Variants in NXN observed in about 807,000 individuals in gnomAD.
NXN encodes nucleoredoxin 1.
A neutral mutation model predicts 48.6 loss-of-function variants in NXN; 16 were observed. The observed-to-expected ratio is 0.33, with a 90% CI of 0.22 to 0.50. The LOEUF is 0.50. Ranked by LOEUF, NXN falls within the 20% of genes least tolerant of loss-of-function variation. The pLI, the probability that NXN is intolerant of heterozygous loss-of-function variation, is 0.98. For missense variants in NXN, 492 were observed against 605.5 expected (o/e 0.81, Z 1.97); for synonymous variants, 281 against 269.6 (o/e 1.04, Z -0.41).
chr17:858,917 T>C (rs1021707202), intron 1 of NXN, among the ~76,000 whole-genome samples: 2 of 152,150 alleles, frequency 1.3e-5, no homozygotes, highest in African/African-American at 2.4e-5. Context: ...TTCTATCCCA[T>C]AGCCAGCCAA....
At position 849,706 on chromosome 17, in the gene NXN, G is replaced by A. The variant is rs2067903419; in HGVS notation, c.361-23628C>T. ...CAAGCAATCATCATTTCCTAAACGT[G>A]GCAGGATGCAGAGCAGGTAGAGGAG... is the stretch of plus-strand genomic sequence containing the variant. On this transcript the variant is annotated intron_variant, in intron 1 of 7. Transcript: ENST00000336868. The surrounding 1 kb of genome is among the most constrained non-coding windows in gnomAD (Gnocchi z 4.2). Among the ~76,000 whole-genome samples the A allele has an allele frequency of 6.6e-6, 1 of 152,170 alleles. No individual in the cohort carries two copies. Among genetic ancestry groups the A allele is most frequent in the Admixed American group, 6.6e-5 (1 of 15,260 alleles).
intron 1 of NXN, among the ~76,000 whole-genome samples, chr17:933,591 A>G (rs1240066926): frequency 6.6e-6 from 1 of 151,806 alleles, no homozygotes; most frequent in Non-Finnish European, 1.5e-5. Context: ...GGCAAATTCC[A>G]TCCCTCTCAA....
chr17:839,866 G>T (rs1457112960), intron 1 of NXN, among the ~76,000 whole-genome samples: 1 of 148,018 alleles, frequency 6.8e-6, no homozygotes, highest in Non-Finnish European at 1.5e-5. Flanking sequence ...GGAGGCCGAG[G>T]CGGGCAGATT....
intron 1 of NXN, among the ~76,000 whole-genome samples, chr17:933,025 T>C (rs8071160): frequency 0.15 from 23,369 of 152,044 alleles, 2,170 homozygotes; most frequent in South Asian, 0.27. Flanking sequence ...CATCAAAGGC[T>C]GTGGCCCGAA....
rs149977773 is a variant in NXN at position 893,142 on chromosome 17, C to T, written c.361-67064G>A. ...CTTGGCAGATGCGGATGGGAGAACACGCCTACGCAGGCCAAGTCTCCAGCA... is the reference window on the plus strand; with the variant it reads ...CTTGGCAGATGCGGATGGGAGAACATGCCTACGCAGGCCAAGTCTCCAGCA... On this transcript the variant is annotated intron_variant, in intron 1 of 7. Coordinates refer to ENST00000336868, the MANE Select transcript of NXN (RefSeq NM_022463.5). 4.8e-3 allele frequency among the ~76,000 whole-genome samples: 736 copies of T among 152,352 alleles called. 6 individuals carry two copies. Among genetic ancestry groups the T allele is most frequent in the African/African-American group, 0.017 (687 of 41,586 alleles).
Position 943,597 on chromosome 17 carries a change from G to T in NXN, c.360+35722C>A, listed in dbSNP as rs781161250. On this transcript the variant is annotated intron_variant, in intron 1 of 7. Coordinates refer to ENST00000336868, the MANE Select transcript of NXN (RefSeq NM_022463.5). The stretch of plus-strand genomic sequence containing the variant: ...AGCAGTTTGGGAGGCTGAGGCAGGC[G>T]GATCACTTGAGGCCAGGAGTTCAAA... Among the ~76,000 whole-genome samples, 482 of 152,228 alleles carry T rather than the reference G, an allele frequency of 3.2e-3. 1 individual carries two copies. The highest frequency in any genetic ancestry group is 8.0e-3 in the Admixed American group (122 of 15,282).
intron 1 of NXN, among the ~76,000 whole-genome samples, chr17:913,461 C>T (rs2068655783): frequency 6.6e-6 from 1 of 152,192 alleles, no homozygotes; most frequent in East Asian, 1.9e-4. Context: ...AGATGTCGGC[C>T]CCTGCCCACA....
chr17:876,075 G>A (rs1465953030), intron 1 of NXN, among the ~76,000 whole-genome samples: 2 of 152,098 alleles, frequency 1.3e-5, no homozygotes, highest in Non-Finnish European at 2.9e-5. Context: ...CAGGTACCTG[G>A]GAGGCTGAGG....
At position 801,125 on chromosome 17, in the gene NXN, T is replaced by A. The variant is rs759002236; in HGVS notation, c.1132A>T (p.Met378Leu). 6.5e-7 allele frequency: 1 copy of A among 1,535,634 alleles called. No individual in the cohort carries two copies. The highest frequency in any genetic ancestry group is 1.2e-5 in the South Asian group (1 of 80,300). ...LLFFVAGEDDMTDSLRDYTNL... is the reference protein window; with the variant it reads ...LLFFVAGEDDLTDSLRDYTNL... ...GTGTAATCTCGCAGGGAGTCAGTCA[T>A]GTCATCCTGAAGCCGTCAGGAGGGA... Residue 378 changes from methionine (M) to leucine (L), a missense_variant, in exon 8 of 8, where the codon ATG becomes TTG. Coordinates refer to ENST00000336868, the MANE Select transcript of NXN (RefSeq NM_022463.5).
intron 1 of NXN, among the ~76,000 whole-genome samples, chr17:892,081 C>T (rs2068427714): frequency 6.6e-6 from 1 of 151,656 alleles, no homozygotes; most frequent in Non-Finnish European, 1.5e-5. Flanking sequence ...CACAACCCAA[C>T]AGGGAACCTA....
chr17:831,229 G>A (rs1302420753), intron 1 of NXN, among the ~76,000 whole-genome samples: 5 of 151,984 alleles, frequency 3.3e-5, no homozygotes, highest in Non-Finnish European at 5.9e-5. Context: ...GGAGGCAAGG[G>A]GGAGCGGATC....
intron 1 of NXN, among the ~76,000 whole-genome samples, chr17:894,964 TTC>T (rs925305890): frequency 6.8e-6 from 1 of 148,058 alleles, no homozygotes; most frequent in Non-Finnish European, 1.5e-5. Context: ...CTGATTGCCT[TTC>T]TCTCTCATCC....
intron 5 of NXN, among the ~76,000 whole-genome samples, chr17:816,702 A>C (rs1039423446): frequency 6.6e-6 from 1 of 152,110 alleles, no homozygotes; most frequent in African/African-American, 2.4e-5. Flanking sequence ...TGTTTTATTC[A>C]AGTCTGTGAC....
chr17:812,868 GT>G (rs35677822), intron 5 of NXN, among the ~76,000 whole-genome samples: 17 of 150,932 alleles, frequency 1.1e-4, no homozygotes, highest in Admixed American at 8.6e-4. Context: ...GTAGGTGTGT[GT>G]GGGTGTGTGC....
chr17:974,298 C>G (rs1308826506), intron 1 of NXN, among the ~76,000 whole-genome samples: 3 of 151,790 alleles, frequency 2.0e-5, no homozygotes, highest in Non-Finnish European at 4.4e-5. Flanking sequence ...TTGCAGTGAG[C>G]CGAGATCGCA....
intron 5 of NXN, among the ~76,000 whole-genome samples, chr17:811,494 G>A (rs929139448): frequency 6.8e-6 from 1 of 146,066 alleles, no homozygotes; most frequent in Non-Finnish European, 1.5e-5. Context: ...CCCAGGCTGC[G>A]TAAAGCCCCG....
intron 1 of NXN, among the ~76,000 whole-genome samples, chr17:976,049 A>T (rs982466567): frequency 6.6e-6 from 1 of 152,244 alleles, no homozygotes; most frequent in Non-Finnish European, 1.5e-5. Flanking sequence ...ACAGCTATAT[A>T]ATAATGTGTG....
intron 1 of NXN, among the ~76,000 whole-genome samples, chr17:904,301 GTCC>G (rs1484110923): frequency 6.6e-6 from 1 of 151,190 alleles, no homozygotes; most frequent in Non-Finnish European, 1.5e-5. Context: ...GTCGGACGCC[GTCC>G]GGCTTCCATC....
intron 1 of NXN, among the ~76,000 whole-genome samples, chr17:848,675 C>T (rs753330278): frequency 6.6e-6 from 1 of 152,214 alleles, no homozygotes; most frequent in Non-Finnish European, 1.5e-5. Flanking sequence ...GGGGCCACCA[C>T]ACGATTGGTT....
Sources: gnomAD v4.1 joint callset for allele counts (sites outside exome capture counted in the v4.1 genomes callset) on GRCh38, gnomAD v4.1.1 for gene constraint, Gnocchi (gnomAD v3.1) non-coding constraint, MANE v1.5 for transcripts, NCBI Gene and HGNC (gene_info 2026-07-23, HGNC 2026-07-21) for gene names.